Variants in IL1RAPL1 observed in about 807,000 individuals in gnomAD.
IL1RAPL1 encodes interleukin 1 receptor accessory protein like 1.
Under a neutral mutation model 48.4 loss-of-function variants are expected in IL1RAPL1, and 3 were observed. The observed-to-expected ratio is 0.06, with a 90% CI of 0.03 to 0.16. IL1RAPL1 has a LOEUF of 0.16. Among genes scored for constraint, IL1RAPL1 ranks in the 10% least tolerant of loss-of-function variants. The pLI, the probability that IL1RAPL1 is intolerant of heterozygous loss-of-function variation, is 1.00. For missense variants in IL1RAPL1, 349 were observed against 530.6 expected, an observed-to-expected ratio of 0.66 and a Z score of 3.36; for synonymous variants, 185 against 187.7, an observed-to-expected ratio of 0.99 and a Z score of 0.12.
At chrX:28,597,304 C>T (rs1933966203) in intron 1 of IL1RAPL1, among the ~76,000 whole-genome samples, 1 of 111,434 alleles carries the variant, frequency 9.0e-6, no homozygotes, top group African/African-American at 3.3e-5. Flanking sequence ...CTCCAGGTTA[C>T]CATTGATTTC....
chrX:29,008,263 G>A (rs1326516579), intron 2 of IL1RAPL1, among the ~76,000 whole-genome samples: 1 of 110,389 alleles, frequency 9.1e-6, no homozygotes, highest in Non-Finnish European at 1.9e-5. Context: ...TCCGCCTCCC[G>A]GGTTCACACC....
chrX:29,036,064 A>AACTC (rs745376360), intron 2 of IL1RAPL1, among the ~76,000 whole-genome samples: 10 of 111,941 alleles, frequency 8.9e-5, no homozygotes, highest in Non-Finnish European at 1.3e-4. Flanking sequence ...AGTTCGCATT[A>AACTC]ACTCTCTTAT....
At chrX:29,505,682 A>G (rs1935320176) in intron 5 of IL1RAPL1, among the ~76,000 whole-genome samples, 1 of 110,012 alleles carries the variant, frequency 9.1e-6, no homozygotes, top group African/African-American at 3.3e-5. Context: ...TTTGTCTTTG[A>G]CTTTTGAGAG....
intron 3 of IL1RAPL1, among the ~76,000 whole-genome samples, chrX:29,377,936 A>G (rs932052694): frequency 2.7e-5 from 3 of 110,833 alleles, no homozygotes; most frequent in Non-Finnish European, 5.7e-5. Flanking sequence ...TTTGTGAACT[A>G]TATCCTCAAA....
At chrX:28,710,495 ATGTC>A (rs1322970661) in intron 1 of IL1RAPL1, among the ~76,000 whole-genome samples, 13 of 109,564 alleles carry the variant, frequency 1.2e-4, no homozygotes, top group Non-Finnish European at 1.9e-4. Context: ...AATTGGGAAT[ATGTC>A]TGGTGTTCAA....
chrX:29,561,877 A>G (rs1004563657), intron 5 of IL1RAPL1, among the ~76,000 whole-genome samples: 43 of 111,413 alleles, frequency 3.9e-4, no homozygotes, highest in African/African-American at 1.4e-3. Flanking sequence ...TCTTCTCTGA[A>G]TGGATTACAT....
intron 2 of IL1RAPL1, among the ~76,000 whole-genome samples, chrX:28,821,736 T>A (rs1201869696): frequency 1.8e-5 from 2 of 111,334 alleles, no homozygotes; most frequent in Non-Finnish European, 3.8e-5. Flanking sequence ...GTAAAGATAA[T>A]GCGTACCACG....
At chrX:28,826,534 T>A (rs527605256) in intron 2 of IL1RAPL1, among the ~76,000 whole-genome samples, 5 of 111,686 alleles carry the variant, frequency 4.5e-5, no homozygotes, top group South Asian at 3.7e-4. Flanking sequence ...TGAAGTTGAC[T>A]TAACTTTCAA....
chrX:29,885,387 T>C (rs1932132998), intron 6 of IL1RAPL1, among the ~76,000 whole-genome samples: 1 of 112,179 alleles, frequency 8.9e-6, no homozygotes, highest in African/African-American at 3.2e-5. Context: ...CCCCTTATCA[T>C]TTGCCCACCA....
intron 2 of IL1RAPL1, among the ~76,000 whole-genome samples, chrX:29,170,638 A>G (rs1302505998): frequency 8.9e-6 from 1 of 111,769 alleles, no homozygotes; most frequent in African/African-American, 3.2e-5. Context: ...AGTGATTAGT[A>G]TATTATTTAT....
chrX:28,925,959 C>T (rs1199039199), intron 2 of IL1RAPL1, among the ~76,000 whole-genome samples: 4 of 112,016 alleles, frequency 3.6e-5, no homozygotes, highest in Non-Finnish European at 7.5e-5. Context: ...GTCTGTTTTG[C>T]AGATATTTAG....
intron 2 of IL1RAPL1, among the ~76,000 whole-genome samples, chrX:29,154,578 A>T (rs190243712): frequency 9.0e-6 from 1 of 111,415 alleles, no homozygotes; most frequent in East Asian, 2.8e-4. Context: ...TTACTAGTTA[A>T]TCTGGAAAAT....
At chrX:28,690,370 C>T (rs1294785239) in intron 1 of IL1RAPL1, among the ~76,000 whole-genome samples, 3 of 111,801 alleles carry the variant, frequency 2.7e-5, no homozygotes, top group African/African-American at 6.5e-5. Flanking sequence ...ATAAACATTT[C>T]CCTGTATTAA....
At chrX:29,327,001 C>A (rs960305000) in intron 3 of IL1RAPL1, among the ~76,000 whole-genome samples, 3 of 111,868 alleles carry the variant, frequency 2.7e-5, no homozygotes, top group African/African-American at 9.8e-5. Context: ...TCTGAATTGG[C>A]TGTCTTTTAC....
At chrX:29,799,581 G>A (rs2147166581) in intron 6 of IL1RAPL1, among the ~76,000 whole-genome samples, 1 of 112,199 alleles carries the variant, frequency 8.9e-6, no homozygotes, top group South Asian at 3.7e-4. Flanking sequence ...AGAAAATGTG[G>A]ATAGTTAAGT....
intron 2 of IL1RAPL1, among the ~76,000 whole-genome samples, chrX:29,264,095 T>C (rs1269236033): frequency 1.8e-5 from 2 of 111,076 alleles, no homozygotes; most frequent in African/African-American, 3.3e-5. Flanking sequence ...TCTTTAGACA[T>C]GTTAAGGCAG....
At chrX:29,672,287 G>C (rs767685453) in intron 6 of IL1RAPL1, among the ~76,000 whole-genome samples, 82 of 111,647 alleles carry the variant, frequency 7.3e-4, no homozygotes, top group Admixed American at 1.7e-3. Flanking sequence ...CATATTTTCA[G>C]AATTCTTACC....
intron 2 of IL1RAPL1, among the ~76,000 whole-genome samples, chrX:28,937,637 G>T (rs1341183813): frequency 1.8e-5 from 2 of 111,065 alleles, no homozygotes; most frequent in East Asian, 5.6e-4. Context: ...AGGCTGAAAA[G>T]GACATTTTCC....
intron 6 of IL1RAPL1, among the ~76,000 whole-genome samples, chrX:29,745,199 T>C (rs982595501): frequency 1.8e-5 from 2 of 111,083 alleles, no homozygotes; most frequent in South Asian, 3.8e-4. Context: ...ATAACACACA[T>C]GCTAAATGCT....
Sources: allele counts gnomAD v4.1 joint callset (sites outside exome capture counted in the v4.1 genomes callset), GRCh38; gene constraint gnomAD v4.1.1; transcripts MANE v1.5; gene names NCBI Gene and HGNC (gene_info 2026-07-23, HGNC 2026-07-21).